Variants in PLEKHM3 observed in about 807,000 individuals in gnomAD.
The protein encoded by PLEKHM3 is pleckstrin homology domain containing M3, also known as pleckstrin homology domain-containing family M member 3.
A neutral mutation model predicts 81.8 loss-of-function variants in PLEKHM3; 45 were observed. The ratio of observed to expected loss-of-function variants is 0.55; its 90% CI spans 0.43 to 0.71. The LOEUF (loss-of-function observed/expected upper bound fraction) is 0.71, where lower values mean the gene tolerates loss of function less well. Among genes scored for constraint, PLEKHM3 ranks in the 30% least tolerant of loss-of-function variants. The pLI is 0.00. For synonymous variants in PLEKHM3, 352 were observed against 356.4 expected (o/e 0.99, Z 0.14); for missense variants, 788 against 924.3 (o/e 0.85, Z 1.91).
At chr2:207,837,323 G>A (rs1157812468) in intron 7 of PLEKHM3, among the ~76,000 whole-genome samples, 1 of 152,126 alleles carries the variant, frequency 6.6e-6, no homozygotes, top group Non-Finnish European at 1.5e-5. Context: ...TAATTTAGCT[G>A]TGCCCAGCTA....
chr2:207,897,761 C>T (rs1688272153), intron 6 of PLEKHM3, among the ~76,000 whole-genome samples: 1 of 152,168 alleles, frequency 6.6e-6, no homozygotes, highest in South Asian at 2.1e-4. Flanking sequence ...CCTAAAAGCT[C>T]CTGACAGCCA....
chr2:207,844,541 C>T (rs368803792), intron 7 of PLEKHM3, among the ~76,000 whole-genome samples: 9 of 151,670 alleles, frequency 5.9e-5, no homozygotes, highest in African/African-American at 1.7e-4. Context: ...CTCCTGACCT[C>T]GTGATCCACC....
chr2:207,953,390 AT>A (rs35615285), intron 3 of PLEKHM3, among the ~76,000 whole-genome samples: 80,372 of 151,528 alleles, frequency 0.53, 22,313 homozygotes, highest in Middle Eastern at 0.76. Flanking sequence ...GTTCATCAGA[AT>A]TTTTTTTTTC....
intron 7 of PLEKHM3, among the ~76,000 whole-genome samples, chr2:207,842,009 C>G (rs2092357120): frequency 6.6e-6 from 1 of 152,206 alleles, no homozygotes; most frequent in Admixed American, 6.5e-5. Flanking sequence ...GTGATCACAG[C>G]TCACTGCAAG....
intron 4 of PLEKHM3, among the ~76,000 whole-genome samples, chr2:207,945,365 C>A (rs143289653): frequency 6.6e-6 from 1 of 152,198 alleles, no homozygotes; most frequent in African/African-American, 2.4e-5. Flanking sequence ...TCCTGAAGAG[C>A]CTCCTTGGCT....
rs1449203115 is a variant in PLEKHM3 at position 207,822,027 on chromosome 2, T to G, written c.*6292A>C. ...TTTTTTGAGATGGGTCTCACCATATTGCACAGGCTCCTGGGCTCAAGCAAT... is the reference window on the plus strand; with the variant it reads ...TTTTTTGAGATGGGTCTCACCATATGGCACAGGCTCCTGGGCTCAAGCAAT... On this transcript the variant is annotated 3_prime_UTR_variant, in exon 8 of 8. Transcript: ENST00000427836. The G allele has an allele frequency of 6.6e-6, 1 of 152,170 alleles. No individual in the cohort carries two copies. The highest frequency in any genetic ancestry group is 1.5e-5 in the Non-Finnish European group (1 of 68,060). 9.4% of individuals were successfully genotyped at this position (152,170 alleles called of 1,614,324 possible). A position where few individuals can be genotyped will look rare whatever the true frequency, so the allele number is the denominator to read the frequency against.
chr2:207,859,486 C>A (rs564650589), intron 7 of PLEKHM3, among the ~76,000 whole-genome samples: 2 of 152,070 alleles, frequency 1.3e-5, no homozygotes, highest in South Asian at 4.2e-4. Flanking sequence ...TCTGGATATA[C>A]TACATTTTGT....
chr2:207,915,284 G>A (rs1320014883), intron 5 of PLEKHM3, among the ~76,000 whole-genome samples: 2 of 152,200 alleles, frequency 1.3e-5, no homozygotes, highest in Admixed American at 6.5e-5. Flanking sequence ...GCTGGTACTT[G>A]GGGTTAAAAA....
At chr2:207,837,703 C>T (rs992816214) in intron 7 of PLEKHM3, among the ~76,000 whole-genome samples, 1 of 144,204 alleles carries the variant, frequency 6.9e-6, no homozygotes, top group Non-Finnish European at 1.5e-5. Flanking sequence ...CTGCCCACCT[C>T]GGCCTCCCAA....
intron 1 of PLEKHM3, among the ~76,000 whole-genome samples, chr2:208,013,521 GAAAAA>G (rs988917271): frequency 7.7e-6 from 1 of 130,076 alleles, no homozygotes; most frequent in Admixed American, 7.7e-5. Context: ...ATCTCAAAAA[GAAAAA>G]AAAAAAAAGA....
intron 6 of PLEKHM3, chr2:207,901,438 G>A: frequency 1.5e-6 from 1 of 673,490 alleles, no homozygotes; most frequent in Non-Finnish European, 2.7e-6. Context: ...ATGCTCAGCA[G>A]GTAGTAAGGA....
chr2:207,823,091 GCTTCATTCAAAGTCTGGAA>G lies in PLEKHM3; in HGVS notation c.*5209_*5227del, dbSNP rs3841869. ...AATCTTCTACTCTGGGCAACAACCA[GCTTCATTCAAAGTCTGGAA>G]CTTCATTCAAAGTCTGGAACTTCAT... On this transcript the variant is annotated 3_prime_UTR_variant, in exon 8 of 8. Transcript: ENST00000427836. 0.32 allele frequency: 48,567 copies of G among 151,272 alleles called. 8,771 individuals are homozygous for G. Among genetic ancestry groups the G allele is most frequent in the African/African-American group, 0.49 (20,311 of 41,038 alleles). The allele number at this position is 151,272 out of a possible 1,614,324, so 9.4% of individuals were successfully genotyped here.
Position 207,890,337 on chromosome 2 carries a change from A to G in PLEKHM3, c.1950+18177T>C, listed in dbSNP as rs553671105. 2.0e-5 allele frequency among the ~76,000 whole-genome samples: 3 copies of G among 152,272 alleles called. No individual in the cohort carries two copies. In the East Asian group the frequency reaches 5.8e-4, roughly 29 times the overall value. On this transcript the variant is annotated intron_variant, in intron 6 of 7. Coordinates refer to ENST00000427836, the MANE Select transcript of PLEKHM3 (RefSeq NM_001080475.3). ...TAATATATATTAATAACTTACTACT[A>G]AAGAATAGAGCTGGGCATGGTAGCT...
rs1225752338 is a variant in PLEKHM3, at chr2:207,930,817, A to G, written c.1886+109T>C. On this transcript the variant is annotated intron_variant, in intron 5 of 7. Coordinates refer to ENST00000427836, the MANE Select transcript of PLEKHM3 (RefSeq NM_001080475.3). The stretch of plus-strand genomic sequence containing the variant: ...AGTGGAGAGGCGGAGGGCGAGCCAC[A>G]AAATTAGAGGCGGTCCGTGCTGGAA... 1.4e-5 allele frequency: 18 copies of G among 1,303,550 alleles called. No homozygotes were observed. The East Asian group carries it at 3.6e-4, about 26-fold the overall frequency. The allele number at this position is 1,303,550 out of a possible 1,614,324, so 80.7% of individuals were successfully genotyped here. A position where few individuals can be genotyped will look rare whatever the true frequency, so the allele number is the denominator to read the frequency against.
rs112195802 is a variant in PLEKHM3, at chr2:207,931,738, T to G, written c.1693-619A>C. Among the ~76,000 whole-genome samples the G allele has an allele frequency of 1.6e-3, 239 of 152,294 alleles. 3 individuals carry two copies. Among genetic ancestry groups the G allele is most frequent in the African/African-American group, 5.4e-3 (223 of 41,566 alleles). Reference sequence around the variant, plus strand: ...CTGTAATCACAGCACTTTGGGAGGCTGAGGCGGGCAGATCACTTGAGGTCA... The same window carrying G: ...CTGTAATCACAGCACTTTGGGAGGCGGAGGCGGGCAGATCACTTGAGGTCA... On this transcript the variant is annotated intron_variant, in intron 4 of 7. Transcript: ENST00000427836.
intron 5 of PLEKHM3, among the ~76,000 whole-genome samples, chr2:207,916,900 C>A (rs1432483765): frequency 2.6e-5 from 4 of 152,098 alleles, no homozygotes; most frequent in Admixed American, 2.6e-4. Context: ...TATAACTTCC[C>A]AGAATTCCTT....
intron 1 of PLEKHM3, chr2:208,019,735 T>G (rs1429937157): frequency 1.8e-4 from 27 of 152,374 alleles, no homozygotes; most frequent in Non-Finnish European, 8.8e-5. Context: ...GCTGCCAAAG[T>G]GAGCACGCAA....
chr2:207,955,440 G>A (rs532088242), intron 3 of PLEKHM3, among the ~76,000 whole-genome samples: 1 of 152,166 alleles, frequency 6.6e-6, no homozygotes, highest in South Asian at 2.1e-4. Flanking sequence ...CTAAGCAAAT[G>A]GATAAACACA....
chr2:207,944,091 G>C (rs1690040084), intron 4 of PLEKHM3, among the ~76,000 whole-genome samples: 1 of 152,064 alleles, frequency 6.6e-6, no homozygotes, highest in South Asian at 2.1e-4. Context: ...ATGCCCAATA[G>C]AAAGACAAGA....
Sources: gnomAD v4.1 joint callset for allele counts (sites outside exome capture counted in the v4.1 genomes callset) on GRCh38, gnomAD v4.1.1 for gene constraint, MANE v1.5 for transcripts, NCBI Gene and HGNC (gene_info 2026-07-23, HGNC 2026-07-21) for gene names.